TBC1D4: variants seen among roughly 807,000 people sequenced by gnomAD.
The protein encoded by TBC1D4 is TBC1 domain family member 4, also known as TBC (Tre-2, BUB2, CDC16) domain-containing protein.
TBC1D4 carries 121 observed loss-of-function variants against 142.5 expected under a neutral mutation model. The ratio of observed to expected loss-of-function variants is 0.85; its 90% CI spans 0.73 to 0.99. The LOEUF is 0.99. TBC1D4 is among the 50% of genes least tolerant of loss of function. TBC1D4 has a pLI of 0.00. For synonymous variants in TBC1D4, 630 were observed against 628.2 expected, an observed-to-expected ratio of 1.00 and a Z score of -0.04; for missense variants, 1,475 against 1,606.6, an observed-to-expected ratio of 0.92 and a Z score of 1.40.
chr13:75,426,651 T>A (rs545208569), intron 1 of TBC1D4, among the ~76,000 whole-genome samples: 172 of 152,274 alleles, frequency 1.1e-3, no homozygotes, highest in African/African-American at 4.0e-3. Context: ...TCTTGTGCAA[T>A]CCCTTGTCTC....
intron 1 of TBC1D4, 21 bp downstream of exon 1, chr13:75,481,249 G>T: frequency 7.0e-7 from 1 of 1,427,014 alleles, no homozygotes. Flanking sequence ...CCGCCCCCGC[G>T]CCTCCGAGCC....
rs371278828 is a variant in TBC1D4 at position 75,481,435 on chromosome 13, C to A, written c.333G>T (p.Gln111His). The change falls in exon 1 of 21, where the codon CAG (glutamine) becomes CAT (histidine). Residue 111 changes from glutamine to histidine, a missense_variant. Physicochemically the swap from Gln to His is conservative, Grantham distance 24. Coordinates refer to ENST00000377636, the MANE Select transcript of TBC1D4 (RefSeq NM_014832.5). ...ASGGTSPSAT[Q>H]PNPAVFIFEH... is the part of the protein sequence containing the mutation. ...CGAAGATGAATACCGCCGGGTTGGG[C>A]TGCGTGGCCGACGGACTAGTGCCCC... is the stretch of plus-strand genomic sequence containing the variant. The A allele has an allele frequency of 4.3e-6, 7 of 1,613,744 alleles. No homozygotes were observed. In the African/African-American group the frequency reaches 9.3e-5, roughly 22 times the overall value.
At chr13:75,458,381 C>T (rs1887827894) in intron 1 of TBC1D4, among the ~76,000 whole-genome samples, 1 of 152,210 alleles carries the variant, frequency 6.6e-6, no homozygotes, top group Non-Finnish European at 1.5e-5. Flanking sequence ...TCTTCTGCTC[C>T]TCTTTTTCTC....
intron 5 of TBC1D4, among the ~76,000 whole-genome samples, chr13:75,348,270 T>C (rs1235368740): frequency 6.6e-6 from 1 of 152,258 alleles, no homozygotes; most frequent in African/African-American, 2.4e-5. Flanking sequence ...ACAGAAATCA[T>C]GATTTGCATT....
At chr13:75,329,877 G>C (rs1036868944) in intron 8 of TBC1D4, among the ~76,000 whole-genome samples, 1 of 152,134 alleles carries the variant, frequency 6.6e-6, no homozygotes, top group Non-Finnish European at 1.5e-5. Flanking sequence ...TGTGATTCTA[G>C]AGCCTGTGTG....
intron 1 of TBC1D4, among the ~76,000 whole-genome samples, chr13:75,364,602 T>C (rs992033097): frequency 6.6e-6 from 1 of 152,256 alleles, no homozygotes; most frequent in Non-Finnish European, 1.5e-5. Context: ...TTACCTTACC[T>C]GGCAAGGGCC....
rs148621023 is a variant in TBC1D4, at chr13:75,428,822, C to A, written c.498+52448G>T. 2.5e-3 allele frequency among the ~76,000 whole-genome samples: 381 copies of A among 152,276 alleles called. 8 individuals carry two copies. Among genetic ancestry groups the A allele is most frequent in the Admixed American group, 0.022 (331 of 15,292 alleles). On this transcript the variant is annotated intron_variant, in intron 1 of 20. Coordinates refer to ENST00000377636, the MANE Select transcript of TBC1D4 (RefSeq NM_014832.5). ...GGGTGAAGTAAATAGGAGAATGCCA[C>A]CCTCGCTGCAACCCCTTTCATCACA...
chr13:75,397,342 A>G (rs551116276), intron 1 of TBC1D4, among the ~76,000 whole-genome samples: 1 of 152,346 alleles, frequency 6.6e-6, no homozygotes, highest in Non-Finnish European at 1.5e-5. Context: ...CGATGTGATG[A>G]TATCAATTTA....
chr13:75,323,377 C>T (rs975484264), intron 11 of TBC1D4, among the ~76,000 whole-genome samples: 2 of 152,074 alleles, frequency 1.3e-5, no homozygotes, highest in Non-Finnish European at 2.9e-5. Context: ...ATCTCACAAA[C>T]ATCTATGACA....
In TBC1D4 at chr13:75,326,249, C is replaced by A. The variant is rs1445779030; in HGVS notation, c.1981G>T (p.Ala661Ser). The change falls in exon 10 of 21, where the codon GCT becomes TCT. Residue 661 changes from alanine to serine, a missense_variant. Coordinates refer to ENST00000377636, the MANE Select transcript of TBC1D4 (RefSeq NM_014832.5). ...AGCAGAGGGGAACGCACACCCTGAG[C>A]CCTCCCATCCTGCAAATTCAGCTTT... ...KRKLNLQDGR[A>S]QGVRSPLLRQ... The A allele has an allele frequency of 1.9e-6, 3 of 1,614,144 alleles. No homozygotes were observed. Among genetic ancestry groups the A allele is most frequent in the Admixed American group, 1.7e-5 (1 of 60,016 alleles).
chr13:75,313,344 C>T (rs550135458), intron 12 of TBC1D4, among the ~76,000 whole-genome samples: 4 of 152,264 alleles, frequency 2.6e-5, no homozygotes, highest in Admixed American at 2.0e-4. Flanking sequence ...TAATTGCCTA[C>T]GACTGTTAAG....
chr13:75,389,052 G>A (rs577472102), intron 1 of TBC1D4, among the ~76,000 whole-genome samples: 47 of 152,336 alleles, frequency 3.1e-4, no homozygotes, highest in African/African-American at 9.1e-4. Context: ...TTAAATGAGA[G>A]CAGACACATG....
At chr13:75,403,812 G>T (rs556829885) in intron 1 of TBC1D4, among the ~76,000 whole-genome samples, 10 of 152,214 alleles carry the variant, frequency 6.6e-5, no homozygotes, top group African/African-American at 2.2e-4. Flanking sequence ...AAAAACACAG[G>T]CTCAAGTGGG....
intron 20 of TBC1D4, 44 bp downstream of exon 20, chr13:75,288,889 AG>A: frequency 6.3e-7 from 1 of 1,586,104 alleles, no homozygotes; most frequent in Non-Finnish European, 8.7e-7. Flanking sequence ...CTGTGCATGC[AG>A]GAGGCATTGA....
intron 1 of TBC1D4, among the ~76,000 whole-genome samples, chr13:75,470,107 A>C (rs1888336696): frequency 6.6e-6 from 1 of 152,204 alleles, no homozygotes; most frequent in Non-Finnish European, 1.5e-5. Context: ...CATCTATAAA[A>C]TGAGAGTTAA....
intron 8 of TBC1D4, among the ~76,000 whole-genome samples, chr13:75,330,966 A>G (rs558594796): frequency 6.6e-6 from 1 of 152,360 alleles, no homozygotes; most frequent in African/African-American, 2.4e-5. Flanking sequence ...CTTAACAGAC[A>G]AAGTAGTCAG....
At chr13:75,324,887 C>T (rs532878368) in intron 10 of TBC1D4, among the ~76,000 whole-genome samples, 6 of 152,180 alleles carry the variant, frequency 3.9e-5, no homozygotes, top group African/African-American at 1.4e-4. Context: ...GCTTAACAAA[C>T]ATTAATGTCC....
intron 5 of TBC1D4, among the ~76,000 whole-genome samples, chr13:75,346,743 G>A (rs773518956): frequency 6.6e-6 from 1 of 151,868 alleles, no homozygotes; most frequent in African/African-American, 2.4e-5. Context: ...TGAAAGTGAC[G>A]GAGTGTAGAT....
At chr13:75,305,943 C>T (rs1042465673) in intron 15 of TBC1D4, among the ~76,000 whole-genome samples, 1 of 152,034 alleles carries the variant, frequency 6.6e-6, no homozygotes, top group African/African-American at 2.4e-5. Flanking sequence ...TAAATACATA[C>T]AAGTATATAT....
Sources: allele counts gnomAD v4.1 joint callset (sites outside exome capture counted in the v4.1 genomes callset), GRCh38; gene constraint gnomAD v4.1.1; transcripts MANE v1.5; gene names NCBI Gene and HGNC (gene_info 2026-07-23, HGNC 2026-07-21).